Variants in XPO5 observed in about 807,000 individuals in gnomAD.
The protein encoded by XPO5 is exportin 5.
In XPO5, 46 loss-of-function variants were observed where a neutral mutation model predicts 160.6. The ratio of observed to expected loss-of-function variants is 0.29; its 90% CI spans 0.23 to 0.37. XPO5 has a LOEUF of 0.37. XPO5 is among the 10% of genes least tolerant of loss of function. XPO5 has a pLI of 1.00. For synonymous variants in XPO5, 537 were observed against 519.3 expected, an observed-to-expected ratio of 1.03 and a Z score of -0.46; for missense variants, 1,090 against 1,463.9, an observed-to-expected ratio of 0.74 and a Z score of 4.17.
At chr6:43,553,707 T>C in intron 13 of XPO5, 5 of 1,129,276 alleles carry the variant, frequency 4.4e-6, no homozygotes, top group Non-Finnish European at 5.8e-6. Flanking sequence ...TAGGTGAAGG[T>C]TCCTACCATG....
chr6:43,525,901 C>G lies in XPO5; in HGVS notation c.3004G>C (p.Glu1002Gln). 6.2e-7 allele frequency: 1 copy of G among 1,614,050 alleles called. No individual in the cohort carries two copies. Among genetic ancestry groups the G allele is most frequent in the Non-Finnish European group, 8.5e-7 (1 of 1,179,898 alleles). Residue 1002 changes from glutamate to glutamine, a missense_variant, in exon 28 of 32, where the codon GAG (glutamate) becomes CAG (glutamine). This residue lies in a region of XPO5 where 810 missense variants were observed against 1,139.0 expected (regional missense o/e 0.71). Transcript: ENST00000265351. ...DGDDEEMMAT[E>Q]VTPSAMAELT... ...TCTGCCATAGCTGAGGGGGTGACCT[C>G]TGTGGCCATCATTTCTTCATCTGTT...
chr6:43,549,638 T>G (rs777693461), intron 16 of XPO5, 60 bp from the exon 17 acceptor site: 38 of 1,557,362 alleles, frequency 2.4e-5, no homozygotes, highest in Non-Finnish European at 3.2e-5. Flanking sequence ...AGGTGCTGCA[T>G]AGACTCATGT....
At chr6:43,528,472 CA>C (rs1793738161) in intron 24 of XPO5, among the ~76,000 whole-genome samples, 1 of 151,968 alleles carries the variant, frequency 6.6e-6, no homozygotes, top group South Asian at 2.1e-4. Flanking sequence ...GGTCTCTAGA[CA>C]TACCTGTTCT....
chr6:43,528,658 G>A (rs1793751112), intron 24 of XPO5, among the ~76,000 whole-genome samples, 170 bp downstream of exon 24: 1 of 152,108 alleles, frequency 6.6e-6, no homozygotes, highest in East Asian at 1.9e-4. Flanking sequence ...TAGTTCTTTG[G>A]GGGCTGCTCG....
chr6:43,534,784 G>C (rs888323573), intron 20 of XPO5, among the ~76,000 whole-genome samples: 11 of 152,030 alleles, frequency 7.2e-5, no homozygotes, highest in Non-Finnish European at 1.5e-4. Flanking sequence ...AATTACCTGA[G>C]GTCAGGAGTT....
chr6:43,540,631 C>T (rs1021338573), intron 20 of XPO5, among the ~76,000 whole-genome samples: 1 of 152,020 alleles, frequency 6.6e-6, no homozygotes, highest in Non-Finnish European at 1.5e-5. Context: ...CCAGCCTGGG[C>T]AACAAGAGTG....
At chr6:43,562,428 A>C (rs897073867) in intron 8 of XPO5, 82 bp from the exon 9 acceptor site, 26 of 1,039,932 alleles carry the variant, frequency 2.5e-5, no homozygotes, top group Non-Finnish European at 3.5e-5. Flanking sequence ...CATTTCTCCA[A>C]GTCATTTAGT....
chr6:43,539,121 G>A, intron 20 of XPO5: 2 of 1,222,434 alleles, frequency 1.6e-6, no homozygotes, highest in Non-Finnish European at 2.3e-6. Flanking sequence ...GCAGGGATGA[G>A]GCGCACCAGC....
At chr6:43,537,218 T>C (rs1305573349) in intron 20 of XPO5, among the ~76,000 whole-genome samples, 1 of 151,222 alleles carries the variant, frequency 6.6e-6, no homozygotes, top group African/African-American at 2.4e-5. Context: ...GAGATCCTCC[T>C]GCCCTGGCCT....
At position 43,575,982 on chromosome 6, in the gene XPO5, A is replaced by T; in HGVS notation, c.-118T>A. On this transcript the variant is annotated 5_prime_UTR_variant, in exon 1 of 32. Transcript: ENST00000265351. ...GCCGCGGCGGGCGGCGGGGGTGGGAAGCTGGAGGAGGAGCGTTAGCAGCAA... is the reference window on the plus strand; with the variant it reads ...GCCGCGGCGGGCGGCGGGGGTGGGATGCTGGAGGAGGAGCGTTAGCAGCAA... 1.1e-6 allele frequency: 1 copy of T among 934,728 alleles called. No homozygotes were observed. The highest frequency in any genetic ancestry group is 1.6e-6 in the Non-Finnish European group (1 of 610,902). 57.9% of individuals were successfully genotyped at this position (934,728 alleles called of 1,614,324 possible). A position where few individuals can be genotyped will look rare whatever the true frequency, so the allele number is the denominator to read the frequency against.
intron 21 of XPO5, 117 bp downstream of exon 21, chr6:43,533,790 G>T: frequency 1.6e-6 from 1 of 619,376 alleles, no homozygotes; most frequent in Non-Finnish European, 2.6e-6. Flanking sequence ...AGCTATGGTT[G>T]CACCAGTGCA....
chr6:43,526,862 G>A (rs1793627557), intron 26 of XPO5, 115 bp from the exon 27 acceptor site: 1 of 1,041,246 alleles, frequency 9.6e-7, no homozygotes, highest in Admixed American at 2.0e-5. Flanking sequence ...GAGGAAGATG[G>A]GGGTACCGTC....
chr6:43,527,743 C>A lies in XPO5; in HGVS notation c.2823-12G>T. 6.2e-7 allele frequency: 1 copy of A among 1,613,794 alleles called. No homozygotes were observed. The highest frequency in any genetic ancestry group is 8.5e-7 in the Non-Finnish European group (1 of 1,179,792). ...CCTCATCTTCTCCACTGCAGAAAAC[C>A]AGGGGGCCAAGTTCCACAGGAGTGC... On this transcript the variant is annotated splice_polypyrimidine_tract_variant and intron_variant, in intron 25 of 31. Transcript: ENST00000265351.
At chr6:43,563,971 G>A (rs1762553535) in intron 8 of XPO5, among the ~76,000 whole-genome samples, 1 of 152,110 alleles carries the variant, frequency 6.6e-6, no homozygotes, top group African/African-American at 2.4e-5. Context: ...TGCCTAAGCT[G>A]GAGTGCAGGG....
chr6:43,538,678 G>A, intron 20 of XPO5: 1 of 414,106 alleles, frequency 2.4e-6, no homozygotes. Context: ...AGTGATTTAG[G>A]CCTATAATTT....
intron 17 of XPO5, among the ~76,000 whole-genome samples, chr6:43,548,907 A>G (rs1795094612): frequency 6.6e-6 from 1 of 152,098 alleles, no homozygotes; most frequent in Non-Finnish European, 1.5e-5. Flanking sequence ...TGGCAGTAGT[A>G]ATTAAGATCA....
Position 43,558,568 on chromosome 6 carries a change from G to A in XPO5, c.1245C>T (p.Asp415=). The change falls in exon 12 of 32, where the codon GAC becomes GAT. Residue 415 remains aspartate, a synonymous_variant. Transcript: ENST00000265351. ...LVKMGFPSKT[D]SPSCEYSRFD... Reference sequence around the variant, plus strand: ...ACCGAGAATATTCACAGCTAGGGCTGTCTGTTTTAGAAGGAAAGCCCATCT... The same window carrying A: ...ACCGAGAATATTCACAGCTAGGGCTATCTGTTTTAGAAGGAAAGCCCATCT... 2 of 1,597,632 alleles carry A rather than the reference G, an allele frequency of 1.3e-6. No homozygotes were observed. The highest frequency in any genetic ancestry group is 8.5e-7 in the Non-Finnish European group (1 of 1,172,498).
intron 17 of XPO5, among the ~76,000 whole-genome samples, chr6:43,548,941 T>C (rs1795096374): frequency 6.6e-6 from 1 of 152,160 alleles, no homozygotes; most frequent in African/African-American, 2.4e-5. Flanking sequence ...AGTTGTAGAA[T>C]TATAGGGGTA....
At chr6:43,547,582 A>T (rs1582221705) in intron 19 of XPO5, 26 bp downstream of exon 19, 1 of 1,610,490 alleles carries the variant, frequency 6.2e-7, no homozygotes. Flanking sequence ...GGCCAATGCC[A>T]CTTCCCATTC....
Sources: gnomAD v4.1 joint callset for allele counts (sites outside exome capture counted in the v4.1 genomes callset) on GRCh38, gnomAD v4.1.1 for gene constraint, gnomAD v4.1.1 regional missense constraint, MANE v1.5 for transcripts, NCBI Gene and HGNC (gene_info 2026-07-23, HGNC 2026-07-21) for gene names.